The following DHX29 variants were observed in gnomAD, a reference collection of about 807,000 sequenced individuals.
DHX29 encodes DExH-box helicase 29.
Under a neutral mutation model 167.9 loss-of-function variants are expected in DHX29, and 79 were observed. The observed-to-expected ratio is 0.47, with a 90% CI of 0.39 to 0.57. DHX29 has a LOEUF of 0.57. Among genes scored for constraint, DHX29 ranks in the 20% least tolerant of loss-of-function variants. DHX29 has a pLI of 0.00. For synonymous variants in DHX29, 530 were observed against 546.0 expected (o/e 0.97, Z 0.41); for missense variants, 1,347 against 1,593.4 (o/e 0.85, Z 2.63).
chr5:55,262,999 A>G (rs1212541868), intron 23 of DHX29, 67 bp from the exon 24 acceptor site: 1 of 1,201,172 alleles, frequency 8.3e-7, no homozygotes, highest in Non-Finnish European at 1.2e-6. Context: ...ATAACATTGT[A>G]GTTTATATTA....
chr5:55,307,427 G>A lies in DHX29; in HGVS notation c.147C>T (p.Ala49=). Residue 49 remains alanine (A), a synonymous_variant, in exon 1 of 27, where the codon GCC becomes GCT. Transcript: ENST00000251636. ...GCTCCCTGGAGCCGGCAGCGGCAGC[G>A]GCAGCGGTGGCCGGCCTGGACACTG... ...KKPVSRPATA[A]AAAAGSREPR... 1 of 1,612,776 alleles carries A rather than the reference G, an allele frequency of 6.2e-7. No individual in the cohort carries two copies. The highest frequency in any genetic ancestry group is 8.5e-7 in the Non-Finnish European group (1 of 1,179,770).
At position 55,274,848 on chromosome 5, in the gene DHX29, T is replaced by C; in HGVS notation, c.2572+18A>G. The C allele has an allele frequency of 6.2e-7, 1 of 1,606,724 alleles. No homozygotes were observed. Among genetic ancestry groups the C allele is most frequent in the East Asian group, 2.2e-5 (1 of 44,764 alleles). ...TTTTATCAAATCAAATGGAGACCCATTAGAAATAGAAATATACCTAAGTAT... is the reference window on the plus strand; with the variant it reads ...TTTTATCAAATCAAATGGAGACCCACTAGAAATAGAAATATACCTAAGTAT... On this transcript the variant is annotated intron_variant, in intron 15 of 26. Coordinates refer to ENST00000251636, the MANE Select transcript of DHX29 (RefSeq NM_019030.4).
intron 26 of DHX29, among the ~76,000 whole-genome samples, chr5:55,259,488 CTT>C (rs990628700): frequency 6.6e-6 from 1 of 152,096 alleles, no homozygotes; most frequent in African/African-American, 2.4e-5. Flanking sequence ...GAGTTTCGCT[CTT>C]GTCGCCCAGG....
Position 55,289,349 on chromosome 5 carries a change from A to T in DHX29, c.987T>A (p.Pro329=), listed in dbSNP as rs572759272. 2.5e-5 allele frequency: 40 copies of T among 1,601,402 alleles called. 2 individuals carry two copies. The East Asian group carries it at 4.8e-4, about 19-fold the overall frequency. ...ISHQQNERKK[P]PVATEGESAL... is the part of the protein sequence containing the mutation. ...CACTTTCTCCTTCTGTGGCTACAGG[A>T]GGCTTTTTCCTTTCATTTTGTTGAT... Residue 329 remains proline (P), a synonymous_variant, in exon 8 of 27, where the codon CCT becomes CCA. Coordinates refer to ENST00000251636, the MANE Select transcript of DHX29 (RefSeq NM_019030.4).
intron 23 of DHX29, among the ~76,000 whole-genome samples, chr5:55,265,969 T>A (rs982447826): frequency 1.3e-5 from 2 of 152,130 alleles, no homozygotes; most frequent in South Asian, 4.1e-4. Context: ...AGTTGAGAAA[T>A]GTAGATTCTC....
chr5:55,272,058 A>G, intron 18 of DHX29, 29 bp downstream of exon 18: 1 of 1,352,896 alleles, frequency 7.4e-7, no homozygotes, highest in Non-Finnish European at 1.0e-6. Flanking sequence ...CAGGTTAAAA[A>G]TGTTTTGATT....
rs775526425 is a variant in DHX29, at chr5:55,274,627, ATCT to A, written c.2674_2676del (p.Arg892del). 1 of 1,594,390 alleles carries A rather than the reference ATCT, an allele frequency of 6.3e-7. No homozygotes were observed. Among genetic ancestry groups the A allele is most frequent in the African/African-American group, 1.4e-5 (1 of 73,772 alleles). On this transcript the variant is annotated inframe_deletion, in exon 16 of 27. Transcript: ENST00000251636. ...ATGAGTAGTTACCGTTCAGAATAAA[ATCT>A]TCTATCATTTGATAGAAGATCATAC...
chr5:55,261,729 T>G (rs1746325246), intron 24 of DHX29, among the ~76,000 whole-genome samples: 1 of 152,150 alleles, frequency 6.6e-6, no homozygotes, highest in Non-Finnish European at 1.5e-5. Flanking sequence ...ATATTATTGC[T>G]AAGGCTGAGT....
chr5:55,265,711 C>T (rs1746525446), intron 23 of DHX29, among the ~76,000 whole-genome samples: 1 of 147,642 alleles, frequency 6.8e-6, no homozygotes, highest in Admixed American at 6.7e-5. Context: ...ACTGAGGATA[C>T]TTAAACACTG....
intron 18 of DHX29, among the ~76,000 whole-genome samples, chr5:55,271,357 G>A (rs186968574): frequency 3.9e-5 from 6 of 152,310 alleles, no homozygotes; most frequent in East Asian, 3.9e-4. Flanking sequence ...TTGGCTGGGC[G>A]AGGTGGCTCA....
Position 55,275,154 on chromosome 5 carries a change from G to A in DHX29, c.2428-144C>T, listed in dbSNP as rs1265806239. Reference sequence around the variant, plus strand: ...TTACTATTTTGTTAAAATACAGGAAGCGTATACTTTTTAATAGTGGTGAGA... The same window carrying A: ...TTACTATTTTGTTAAAATACAGGAAACGTATACTTTTTAATAGTGGTGAGA... On this transcript the variant is annotated intron_variant, in intron 14 of 26. Transcript: ENST00000251636. 4 of 948,740 alleles carry A rather than the reference G, an allele frequency of 4.2e-6. No individual in the cohort carries two copies. The African/African-American group carries it at 6.7e-5, about 16-fold the overall frequency. 58.8% of individuals were successfully genotyped at this position (948,740 alleles called of 1,614,324 possible).
intron 12 of DHX29, 148 bp from the exon 13 acceptor site, chr5:55,277,430 T>C (rs1440895232): frequency 1.9e-6 from 1 of 524,420 alleles, no homozygotes; most frequent in Non-Finnish European, 3.3e-6. Context: ...AGCTGTAAGT[T>C]TTAAATAAGA....
intron 6 of DHX29, among the ~76,000 whole-genome samples, chr5:55,290,577 AC>A (rs1197205187): frequency 6.6e-6 from 1 of 152,250 alleles, no homozygotes; most frequent in East Asian, 1.9e-4. Flanking sequence ...CATATATGAC[AC>A]ATCTCTACAG....
chr5:55,256,772 G>A (rs1162398104), intron 26 of DHX29, among the ~76,000 whole-genome samples: 1 of 152,166 alleles, frequency 6.6e-6, no homozygotes, highest in African/African-American at 2.4e-5. Context: ...TTTGAAAACA[G>A]ATAACATTTG....
At chr5:55,282,546 C>T (rs1747485939) in intron 11 of DHX29, among the ~76,000 whole-genome samples, 1 of 151,986 alleles carries the variant, frequency 6.6e-6, no homozygotes, top group African/African-American at 2.4e-5. Context: ...ATATAATATG[C>T]CATCTCCAGA....
chr5:55,257,890 A>G (rs1221466451), intron 26 of DHX29, among the ~76,000 whole-genome samples: 2 of 152,256 alleles, frequency 1.3e-5, no homozygotes, highest in Admixed American at 1.3e-4. Flanking sequence ...TTCTAATGCC[A>G]AAGTTATAAT....
chr5:55,278,157 G>A (rs1184930880), intron 12 of DHX29, among the ~76,000 whole-genome samples: 1 of 152,122 alleles, frequency 6.6e-6, no homozygotes, highest in Admixed American at 6.5e-5. Context: ...GAGGTATACT[G>A]TCAGAACTTT....
At chr5:55,283,123 A>T (rs1747518881) in intron 11 of DHX29, 80 bp downstream of exon 11, 12 of 1,466,008 alleles carry the variant, frequency 8.2e-6, no homozygotes, top group Non-Finnish European at 1.1e-5. Flanking sequence ...CACATATGGT[A>T]CACATTCCAT....
chr5:55,306,528 CTG>C (rs56726439), intron 1 of DHX29, among the ~76,000 whole-genome samples: 9,171 of 152,192 alleles, frequency 0.06, 495 homozygotes, highest in African/African-American at 0.12. Flanking sequence ...ATAAATATGT[CTG>C]TGTGCGTTAC....
Sources: allele counts gnomAD v4.1 joint callset (sites outside exome capture counted in the v4.1 genomes callset), GRCh38; gene constraint gnomAD v4.1.1; transcripts MANE v1.5; gene names NCBI Gene and HGNC (gene_info 2026-07-23, HGNC 2026-07-21).